Variants in ROBO2 observed in about 807,000 individuals in gnomAD.
ROBO2 encodes the protein roundabout guidance receptor 2.
ROBO2 carries 53 observed loss-of-function variants against 160.8 expected under a neutral mutation model. The observed-to-expected ratio is 0.33, with a 90% confidence interval of 0.26 to 0.41. ROBO2 has a LOEUF of 0.41. ROBO2 is among the 10% of genes least tolerant of loss of function. The pLI, the probability that ROBO2 is intolerant of heterozygous loss-of-function variation, is 1.00. For synonymous variants in ROBO2, 664 were observed against 611.7 expected, an observed-to-expected ratio of 1.09 and a Z score of -1.26; for missense variants, 1,577 against 1,722.4, an observed-to-expected ratio of 0.92 and a Z score of 1.49.
intron 2 of ROBO2, among the ~76,000 whole-genome samples, chr3:77,183,007 G>A (rs970857524): frequency 2.0e-5 from 3 of 152,010 alleles, no homozygotes; most frequent in Non-Finnish European, 4.4e-5. Context: ...ACCTTTACTT[G>A]ATTTTGTTCT....
chr3:76,160,346 A>C (rs1313620352), intron 2 of ROBO2, among the ~76,000 whole-genome samples: 4 of 152,080 alleles, frequency 2.6e-5, no homozygotes, highest in African/African-American at 9.7e-5. Context: ...TAGTTTTGGC[A>C]CCCATTGAGT....
chr3:76,415,998 A>G (rs2075743203), intron 2 of ROBO2, among the ~76,000 whole-genome samples: 1 of 152,040 alleles, frequency 6.6e-6, no homozygotes, highest in Non-Finnish European at 1.5e-5. Flanking sequence ...AGTGTAGGAA[A>G]CCCACACACA....
intron 2 of ROBO2, among the ~76,000 whole-genome samples, chr3:76,938,100 A>G (rs985492464): frequency 6.6e-6 from 1 of 152,202 alleles, no homozygotes; most frequent in Non-Finnish European, 1.5e-5. Flanking sequence ...ATTTCTTTCT[A>G]TAAGGCTGGT....
chr3:76,045,362 C>T (rs574176219), intron 2 of ROBO2, among the ~76,000 whole-genome samples: 16 of 152,098 alleles, frequency 1.1e-4, no homozygotes, highest in Middle Eastern at 3.4e-3. Flanking sequence ...GTGGAATGGA[C>T]ATGAGCTGGG....
intron 2 of ROBO2, among the ~76,000 whole-genome samples, chr3:76,600,127 G>A (rs2108930493): frequency 6.6e-6 from 1 of 152,248 alleles, no homozygotes; most frequent in South Asian, 2.1e-4. Flanking sequence ...CCATTCCTAT[G>A]TACAGAATGG....
intron 2 of ROBO2, among the ~76,000 whole-genome samples, chr3:77,324,231 T>C (rs1321146266): frequency 2.0e-5 from 3 of 152,196 alleles, no homozygotes; most frequent in Non-Finnish European, 2.9e-5. Context: ...TTGATGAATA[T>C]GTGTGTTCCT....
intron 2 of ROBO2, among the ~76,000 whole-genome samples, chr3:76,616,033 T>G (rs2088554971): frequency 6.6e-6 from 1 of 152,220 alleles, no homozygotes. Context: ...GAGCTTGGGT[T>G]AGATTCCAGG....
At chr3:75,925,676 A>T (rs1280972870) in intron 1 of ROBO2, among the ~76,000 whole-genome samples, 1 of 152,246 alleles carries the variant, frequency 6.6e-6, no homozygotes, top group African/African-American at 2.4e-5. Context: ...CTCAATTATA[A>T]TTCAATTTCT....
chr3:76,491,735 T>C (rs538947566), intron 2 of ROBO2, among the ~76,000 whole-genome samples: 2 of 152,332 alleles, frequency 1.3e-5, no homozygotes, highest in Admixed American at 1.3e-4. Flanking sequence ...TATATTTTTA[T>C]TCTTATATTC....
At chr3:77,344,732 C>T (rs1393623091) in intron 2 of ROBO2, among the ~76,000 whole-genome samples, 1 of 152,034 alleles carries the variant, frequency 6.6e-6, no homozygotes, top group African/African-American at 2.4e-5. Context: ...AGTGGTAGAG[C>T]AGTAAGACAT....
intron 2 of ROBO2, among the ~76,000 whole-genome samples, chr3:76,029,335 G>GA (rs1262938028): frequency 6.6e-6 from 1 of 151,754 alleles, no homozygotes; most frequent in Non-Finnish European, 1.5e-5. Flanking sequence ...CTAAATATTT[G>GA]AAAATCTATA....
chr3:76,584,716 C>A (rs1430032409), intron 2 of ROBO2, among the ~76,000 whole-genome samples: 7 of 152,092 alleles, frequency 4.6e-5, no homozygotes, highest in Non-Finnish European at 7.4e-5. Context: ...GTCTTAAAAA[C>A]CAAGATAACT....
At chr3:76,728,986 C>T (rs990768143) in intron 2 of ROBO2, among the ~76,000 whole-genome samples, 34 of 151,972 alleles carry the variant, frequency 2.2e-4, no homozygotes, top group Non-Finnish European at 4.3e-4. Flanking sequence ...CTCTGCCTCT[C>T]TCTATTTTTG....
chr3:76,707,878 T>C (rs2093204150), intron 2 of ROBO2, among the ~76,000 whole-genome samples: 1 of 151,856 alleles, frequency 6.6e-6, no homozygotes, highest in South Asian at 2.1e-4. Context: ...AGAAAAGGAT[T>C]TGTGTACCAC....
chr3:77,532,891 C>A (rs1446990065), intron 6 of ROBO2, among the ~76,000 whole-genome samples: 1 of 151,810 alleles, frequency 6.6e-6, no homozygotes, highest in South Asian at 2.1e-4. Context: ...TTCTGTGTTT[C>A]TTTGAGTAAT....
intron 2 of ROBO2, among the ~76,000 whole-genome samples, chr3:76,187,213 C>T (rs1285774091): frequency 3.9e-5 from 6 of 152,068 alleles, no homozygotes; most frequent in Admixed American, 3.9e-4. Context: ...CTGAGTATTT[C>T]ACATATAGTT....
At position 77,644,976 on chromosome 3, in the gene ROBO2, A is replaced by G. The variant is rs1025697589; in HGVS notation, c.4135+72A>G. The G allele has an allele frequency of 1.2e-5, 18 of 1,449,430 alleles. No individual in the cohort carries two copies. The Admixed American group carries it at 2.2e-4, about 18-fold the overall frequency. The allele number at this position is 1,449,430 out of a possible 1,614,324, so 89.8% of individuals were successfully genotyped here. The stretch of plus-strand genomic sequence containing the variant: ...CTTGGGTTAATAACATTGCCACATT[A>G]AACAAATTTCAGATTAATAGAAAAC... On this transcript the variant is annotated intron_variant, in intron 25 of 25. Coordinates refer to ENST00000461745, the Ensembl canonical transcript of ROBO2.
intron 2 of ROBO2, among the ~76,000 whole-genome samples, chr3:77,114,795 A>G (rs1054263416): frequency 2.0e-5 from 3 of 152,170 alleles, no homozygotes; most frequent in Non-Finnish European, 2.9e-5. Context: ...TTTTACTCAT[A>G]TATTTGACTT....
rs552615323 is a variant in ROBO2, at chr3:75,916,698, CA to C, written c.-14+9746del. On this transcript the variant is annotated intron_variant, in intron 1 of 26. Coordinates refer to the ROBO2 transcript ENST00000487694. ...TGTTCCAAATATGTATAATTTATGG[CA>C]AAAAAAAGTCACAAAATGGCAATAT... Among the ~76,000 whole-genome samples, 317 of 149,850 alleles carry C rather than the reference CA, an allele frequency of 2.1e-3. 1 individual carries two copies. The highest frequency in any genetic ancestry group is 3.6e-3 in the Non-Finnish European group (241 of 67,420).
Sources: allele counts gnomAD v4.1 joint callset (sites outside exome capture counted in the v4.1 genomes callset), GRCh38; gene constraint gnomAD v4.1.1; transcripts MANE v1.5; gene names NCBI Gene and HGNC (gene_info 2026-07-23, HGNC 2026-07-21).